Variants in SH2D4A observed in about 807,000 individuals in gnomAD.
The protein encoded by SH2D4A is SH2 domain-containing protein 4A.
SH2D4A carries 70 observed loss-of-function variants against 64.7 expected under a neutral mutation model. That is an observed-to-expected ratio of 1.08 (90% confidence interval 0.89 to 1.32). The LOEUF is 1.32. Ranked by LOEUF, SH2D4A falls within the 40% of genes most tolerant of loss-of-function variation. The pLI is 0.00. For synonymous variants in SH2D4A, 268 were observed against 200.7 expected, an observed-to-expected ratio of 1.34 and a Z score of -2.83; for missense variants, 706 against 540.1, an observed-to-expected ratio of 1.31 and a Z score of -3.04.
chr8:19,323,912 A>G (rs1276342412), intron 2 of SH2D4A, among the ~76,000 whole-genome samples: 1 of 152,210 alleles, frequency 6.6e-6, no homozygotes, highest in Non-Finnish European at 1.5e-5. Context: ...AGGGACGTTC[A>G]TTAACTTGGC....
At chr8:19,338,655 G>A (rs2117223130) in intron 4 of SH2D4A, among the ~76,000 whole-genome samples, 1 of 152,322 alleles carries the variant, frequency 6.6e-6, no homozygotes, top group Middle Eastern at 3.4e-3. Flanking sequence ...GTTGGAAGAG[G>A]CAAGGAATCG....
chr8:19,353,467 C>G (rs1260621208), intron 4 of SH2D4A, among the ~76,000 whole-genome samples: 1 of 149,890 alleles, frequency 6.7e-6, no homozygotes, highest in Non-Finnish European at 1.5e-5. Context: ...CTCCTGGGTT[C>G]AAGCAATTCT....
chr8:19,379,414 T>C (rs1226326630), intron 8 of SH2D4A, among the ~76,000 whole-genome samples: 1 of 152,232 alleles, frequency 6.6e-6, no homozygotes, highest in African/African-American at 2.4e-5. Flanking sequence ...TTACCCATTA[T>C]CTGTTGATGC....
rs1225603011 is a variant in SH2D4A at position 19,313,786 on chromosome 8, G to T, written c.-242G>T. 1 of 1,512,700 alleles carries T rather than the reference G, an allele frequency of 6.6e-7. No individual in the cohort carries two copies. Among genetic ancestry groups the T allele is most frequent in the East Asian group, 2.7e-5 (1 of 37,230 alleles). The allele number at this position is 1,512,700 out of a possible 1,614,324, so 93.7% of individuals were successfully genotyped here. A position where few individuals can be genotyped will look rare whatever the true frequency, so the allele number is the denominator to read the frequency against. ...TTCTGGCGGCCAAGTGGATGTGGCG[G>T]GTGATCGAGCCACCCTGCCCAGGGG... On this transcript the variant is annotated 5_prime_UTR_variant, in exon 1 of 10. Coordinates refer to ENST00000265807, the MANE Select transcript of SH2D4A (RefSeq NM_022071.4).
At chr8:19,392,324 T>C (rs2053506026) in intron 8 of SH2D4A, among the ~76,000 whole-genome samples, 1 of 152,206 alleles carries the variant, frequency 6.6e-6, no homozygotes, top group African/African-American at 2.4e-5. Context: ...TGAGTCTGAC[T>C]TGGCTCTGTC....
chr8:19,380,981 T>C (rs1397338766), intron 8 of SH2D4A, among the ~76,000 whole-genome samples: 1 of 152,144 alleles, frequency 6.6e-6, no homozygotes, highest in Non-Finnish European at 1.5e-5. Context: ...TTAAGTCTTC[T>C]AATCCAGGAA....
At chr8:19,371,021 G>C (rs2053086369) in intron 7 of SH2D4A, among the ~76,000 whole-genome samples, 1 of 151,916 alleles carries the variant, frequency 6.6e-6, no homozygotes, top group Non-Finnish European at 1.5e-5. Flanking sequence ...TTCTCTCCTT[G>C]CATTTTGTAT....
intron 7 of SH2D4A, among the ~76,000 whole-genome samples, chr8:19,368,324 T>C (rs2053035449): frequency 1.3e-5 from 2 of 152,208 alleles, no homozygotes; most frequent in Non-Finnish European, 2.9e-5. Flanking sequence ...ATGCTACAAA[T>C]TGTTCTGGCA....
intron 7 of SH2D4A, 136 bp from the exon 8 acceptor site, chr8:19,373,394 G>A: frequency 2.3e-6 from 1 of 432,582 alleles, no homozygotes; most frequent in Non-Finnish European, 3.8e-6. Flanking sequence ...AGCACCTCTG[G>A]TGTCTACAGA....
intron 2 of SH2D4A, 147 bp downstream of exon 2, chr8:19,319,875 A>G (rs2052158365): frequency 2.8e-6 from 2 of 713,816 alleles, no homozygotes; most frequent in East Asian, 6.0e-5. Flanking sequence ...CTAATAGTGC[A>G]GTATGTCCAC....
intron 8 of SH2D4A, among the ~76,000 whole-genome samples, chr8:19,377,650 A>G (rs896538291): frequency 1.3e-5 from 2 of 152,138 alleles, no homozygotes; most frequent in South Asian, 2.1e-4. Flanking sequence ...CATTTTACCT[A>G]TCATGCAGTG....
chr8:19,353,727 T>G (rs536927922), intron 4 of SH2D4A, among the ~76,000 whole-genome samples: 1 of 150,006 alleles, frequency 6.7e-6, no homozygotes, highest in African/African-American at 2.5e-5. Flanking sequence ...ATCCCACATT[T>G]TCACTCTATT....
chr8:19,386,640 A>G (rs1482460029), intron 8 of SH2D4A, among the ~76,000 whole-genome samples: 2 of 152,188 alleles, frequency 1.3e-5, no homozygotes, highest in African/African-American at 2.4e-5. Context: ...GGCAAGGGGC[A>G]GGTACAGTGG....
intron 7 of SH2D4A, among the ~76,000 whole-genome samples, chr8:19,371,938 T>C (rs1277153050): frequency 6.6e-6 from 1 of 152,196 alleles, no homozygotes; most frequent in East Asian, 1.9e-4. Context: ...GAATTGACTC[T>C]GTTCTTTCTT....
chr8:19,369,219 G>T (rs974730219), intron 7 of SH2D4A, among the ~76,000 whole-genome samples: 1 of 152,000 alleles, frequency 6.6e-6, no homozygotes, highest in African/African-American at 2.4e-5. Flanking sequence ...ATGTGCTGTT[G>T]GATTTGGTTT....
At chr8:19,357,515 C>G (rs901325718) in intron 5 of SH2D4A, among the ~76,000 whole-genome samples, 5 of 152,158 alleles carry the variant, frequency 3.3e-5, no homozygotes, top group African/African-American at 1.2e-4. Context: ...AAACTCCTCC[C>G]AGAAGATCTA....
intron 8 of SH2D4A, among the ~76,000 whole-genome samples, chr8:19,381,144 A>G (rs1331432466): frequency 1.3e-5 from 2 of 151,728 alleles, no homozygotes; most frequent in African/African-American, 4.8e-5. Flanking sequence ...CCACCTCTCA[A>G]GTTCGATCAA....
chr8:19,316,967 G>A lies in SH2D4A; in HGVS notation c.-204-2377G>A, dbSNP rs116732367. Among the ~76,000 whole-genome samples, 505 of 152,302 alleles carry A rather than the reference G, an allele frequency of 3.3e-3. 5 individuals are homozygous for A. The highest frequency in any genetic ancestry group is 0.011 in the African/African-American group (469 of 41,564). On this transcript the variant is annotated intron_variant, in intron 1 of 9. Coordinates refer to ENST00000265807, the MANE Select transcript of SH2D4A (RefSeq NM_022071.4). Reference sequence around the variant, plus strand: ...CAAGAAGTGTTAGCTGTGTTATCAGGAATATGCAGGGCGGGGGAGACTGGA... The same window carrying A: ...CAAGAAGTGTTAGCTGTGTTATCAGAAATATGCAGGGCGGGGGAGACTGGA...
chr8:19,341,529 T>C (rs767591857), intron 4 of SH2D4A, among the ~76,000 whole-genome samples: 41 of 152,146 alleles, frequency 2.7e-4, no homozygotes, highest in Non-Finnish European at 4.4e-5. Context: ...GTTAGATTTG[T>C]AGTAAATTTC....
Sources: allele counts gnomAD v4.1 joint callset (sites outside exome capture counted in the v4.1 genomes callset), GRCh38; gene constraint gnomAD v4.1.1; transcripts MANE v1.5; gene names NCBI Gene and HGNC (gene_info 2026-07-23, HGNC 2026-07-21).